Variants in SEMA3A observed in about 807,000 individuals in gnomAD.
SEMA3A encodes semaphorin 3A, also known as semaphorin-3A.
SEMA3A carries 29 observed loss-of-function variants against 97.9 expected under a neutral mutation model. That is an observed-to-expected ratio of 0.30 (90% CI 0.22 to 0.40). The LOEUF (loss-of-function observed/expected upper bound fraction) is 0.40. SEMA3A is among the 10% of genes least tolerant of loss of function. The pLI is 1.00. For synonymous variants in SEMA3A, 321 were observed against 323.7 expected (o/e 0.99, Z 0.09); for missense variants, 763 against 951.3 (o/e 0.80, Z 2.60).
chr7:84,180,198 G>A (rs1197634924), intron 1 of SEMA3A, among the ~76,000 whole-genome samples: 2 of 149,876 alleles, frequency 1.3e-5, no homozygotes, highest in African/African-American at 4.9e-5. Flanking sequence ...CGCCCACCTC[G>A]GCCTCCCAAA....
rs117526626 is a variant in SEMA3A, at chr7:84,337,956, G to A, written c.-168-30664C>T. Among the ~76,000 whole-genome samples the A allele has an allele frequency of 1.1e-4, 17 of 152,050 alleles. No individual in the cohort carries two copies. In the East Asian group the frequency reaches 3.3e-3, roughly 29 times the overall value. On this transcript the variant is annotated intron_variant, in intron 2 of 3. Transcript: ENST00000424555. ...ACAAGTTGAATGATAAACCCCACTG[G>A]TCAGGGACAGAAAGTCTTATCAAAG...
intron 2 of SEMA3A, among the ~76,000 whole-genome samples, chr7:84,318,317 G>GTTTTTTTTTT (rs71522699): frequency 1.0e-5 from 1 of 97,798 alleles, no homozygotes; most frequent in Non-Finnish European, 2.0e-5. Flanking sequence ...TGATTTCTTG[G>GTTTTTTTTTT]TTTTTTTTTT....
At chr7:84,407,732 T>C (rs1235746548) in intron 1 of SEMA3A, among the ~76,000 whole-genome samples, 1 of 152,046 alleles carries the variant, frequency 6.6e-6, no homozygotes, top group Non-Finnish European at 1.5e-5. Flanking sequence ...CCCTCAGAAA[T>C]AATGCCACAT....
At chr7:84,490,104 C>G (rs949982349) in intron 1 of SEMA3A, among the ~76,000 whole-genome samples, 1 of 138,454 alleles carries the variant, frequency 7.2e-6, no homozygotes, top group African/African-American at 2.9e-5. Context: ...TATTCATTAC[C>G]TTAATTTTAT....
intron 2 of SEMA3A, among the ~76,000 whole-genome samples, chr7:84,361,911 C>T (rs1015167762): frequency 1.3e-5 from 2 of 151,812 alleles, no homozygotes; most frequent in African/African-American, 2.4e-5. Context: ...GCTCTAGGCT[C>T]TCTCTTATTC....
rs73709596 is a variant in SEMA3A at position 84,201,127 on chromosome 7, C to T, written c.-82-6459G>A. On this transcript the variant is annotated intron_variant, in intron 3 of 3. Transcript: ENST00000424555. ...AAAGGATTACTTTACATCTGACTCA[C>T]GCAAAGCAGATGCATAGAGTTCCCC... is the stretch of plus-strand genomic sequence containing the variant. Among the ~76,000 whole-genome samples, 1,403 of 152,078 alleles carry T rather than the reference C, an allele frequency of 9.2e-3. 16 individuals are homozygous for T. The highest frequency in any genetic ancestry group is 0.033 in the African/African-American group (1,354 of 41,504).
At chr7:84,205,233 T>C (rs1367311530) in intron 3 of SEMA3A, among the ~76,000 whole-genome samples, 2 of 152,228 alleles carry the variant, frequency 1.3e-5, no homozygotes, top group Non-Finnish European at 2.9e-5. Flanking sequence ...TTACATCTCA[T>C]AGGTCAATAG....
chr7:84,438,614 C>G (rs1805195228), intron 1 of SEMA3A, among the ~76,000 whole-genome samples: 1 of 151,968 alleles, frequency 6.6e-6, no homozygotes, highest in Admixed American at 6.6e-5. Flanking sequence ...GGAAGTCATG[C>G]CTTTCACAAT....
chr7:84,409,581 G>C (rs1198451357), intron 1 of SEMA3A, among the ~76,000 whole-genome samples: 3 of 152,000 alleles, frequency 2.0e-5, no homozygotes, highest in African/African-American at 7.2e-5. Flanking sequence ...CATAGCTGAA[G>C]TTTACTTACT....
At chr7:84,181,959 C>T (rs922219234) in intron 1 of SEMA3A, among the ~76,000 whole-genome samples, 7 of 152,204 alleles carry the variant, frequency 4.6e-5, no homozygotes. Context: ...TTCTGTCTTC[C>T]AGAAAAACTC....
chr7:84,067,455 C>A (rs1793561268), intron 4 of SEMA3A, among the ~76,000 whole-genome samples: 1 of 151,488 alleles, frequency 6.6e-6, no homozygotes, highest in Non-Finnish European at 1.5e-5. Context: ...TTCTGCACAG[C>A]AAAAGAAACT....
At chr7:84,116,648 GGT>G (rs1241922123) in intron 3 of SEMA3A, among the ~76,000 whole-genome samples, 1 of 152,076 alleles carries the variant, frequency 6.6e-6, no homozygotes, top group Non-Finnish European at 1.5e-5. Flanking sequence ...CAAACTGGCT[GGT>G]GTCTCTATAA....
At chr7:84,486,194 C>T (rs1806569980) in intron 1 of SEMA3A, among the ~76,000 whole-genome samples, 1 of 151,934 alleles carries the variant, frequency 6.6e-6, no homozygotes. Flanking sequence ...TCAAGACCAT[C>T]CTGGCCAGCA....
chr7:84,049,794 A>C (rs1282036376), intron 5 of SEMA3A, among the ~76,000 whole-genome samples: 1 of 150,668 alleles, frequency 6.6e-6, no homozygotes, highest in East Asian at 2.0e-4. Context: ...TACATGTGCC[A>C]TGCTGGTGTG....
At chr7:84,084,643 C>T (rs767393934) in intron 4 of SEMA3A, among the ~76,000 whole-genome samples, 29 of 152,028 alleles carry the variant, frequency 1.9e-4, no homozygotes, top group Admixed American at 2.0e-4. Flanking sequence ...TGCCTAATGG[C>T]TAATTTGAAC....
At chr7:84,285,692 T>C (rs990887282) in intron 3 of SEMA3A, among the ~76,000 whole-genome samples, 4 of 152,062 alleles carry the variant, frequency 2.6e-5, no homozygotes, top group Admixed American at 6.6e-5. Flanking sequence ...CATGCCTCTA[T>C]TCCCAGCACT....
At chr7:84,340,109 C>G (rs1044103871) in intron 2 of SEMA3A, among the ~76,000 whole-genome samples, 4 of 151,970 alleles carry the variant, frequency 2.6e-5, no homozygotes, top group African/African-American at 9.7e-5. Context: ...TATGATGAGA[C>G]TATTTAACTC....
At chr7:83,985,390 A>C in intron 13 of SEMA3A, 46 bp downstream of exon 13, 17 of 1,385,746 alleles carry the variant, frequency 1.2e-5, no homozygotes, top group Non-Finnish European at 1.7e-5. Flanking sequence ...AAACACCAGA[A>C]TTAACAAAAT....
intron 3 of SEMA3A, among the ~76,000 whole-genome samples, chr7:84,235,150 T>A (rs1293201538): frequency 2.0e-5 from 3 of 152,096 alleles, no homozygotes; most frequent in Non-Finnish European, 4.4e-5. Context: ...ATCAGATATG[T>A]GTACAAATAT....
Sources: allele counts gnomAD v4.1 joint callset (sites outside exome capture counted in the v4.1 genomes callset), GRCh38; gene constraint gnomAD v4.1.1; transcripts MANE v1.5; gene names NCBI Gene and HGNC (gene_info 2026-07-23, HGNC 2026-07-21).